The following PHACTR2 variants were observed in gnomAD, a reference collection of about 807,000 sequenced individuals.
PHACTR2 encodes the protein phosphatase and actin regulator 2, also known as chromosome 6 open reading frame 56.
In PHACTR2, 30 loss-of-function variants were observed where a neutral mutation model predicts 76.0. The observed-to-expected ratio is 0.39, with a 90% CI of 0.30 to 0.54. The LOEUF is 0.54. Ranked by LOEUF, PHACTR2 falls within the 20% of genes least tolerant of loss-of-function variation. PHACTR2 has a pLI of 0.61. For synonymous variants in PHACTR2, 292 were observed against 292.5 expected, an observed-to-expected ratio of 1.00 and a Z score of 0.02; for missense variants, 696 against 781.1, an observed-to-expected ratio of 0.89 and a Z score of 1.30.
chr6:143,649,180 TG>T (rs1582734908), intron 1 of PHACTR2, among the ~76,000 whole-genome samples: 1 of 152,194 alleles, frequency 6.6e-6, no homozygotes, highest in Non-Finnish European at 1.5e-5. Context: ...GCCACATTTT[TG>T]TGTGTGTCTG....
chr6:143,759,310 C>CGAA (rs1314379326), intron 4 of PHACTR2, among the ~76,000 whole-genome samples: 7 of 152,070 alleles, frequency 4.6e-5, no homozygotes, highest in Non-Finnish European at 1.0e-4. Flanking sequence ...CAAAATAGAC[C>CGAA]TAAGTATTTC....
rs1335477017 is a variant in PHACTR2, at chr6:143,548,916, A to T, written c.217+11709A>T. Among the ~76,000 whole-genome samples the T allele has an allele frequency of 6.6e-6, 1 of 152,004 alleles. No individual in the cohort carries two copies. Among genetic ancestry groups the T allele is most frequent in the African/African-American group, 2.4e-5 (1 of 41,418 alleles). ...TGGGGGAAACAAGCAAGAATGAGGC[A>T]TGTTCCTAGGGAACAACAAGATAAG... is the stretch of plus-strand genomic sequence containing the variant. On this transcript the variant is annotated intron_variant, in intron 1 of 11. Transcript: ENST00000367584. This position sits in a 1 kb window ranked among gnomAD's most constrained non-coding sequence, Gnocchi z 4.5.
At chr6:143,721,185 CCTTT>C (rs1778434958) in intron 2 of PHACTR2, among the ~76,000 whole-genome samples, 1 of 152,132 alleles carries the variant, frequency 6.6e-6, no homozygotes, top group Non-Finnish European at 1.5e-5. Context: ...ATTGAGACTG[CCTTT>C]CTAAGTTGAA....
At chr6:143,677,341 G>A (rs1251949757), upstream of PHACTR2, among the ~76,000 whole-genome samples, 3 of 152,030 alleles carry the variant, frequency 2.0e-5, no homozygotes, top group African/African-American at 7.3e-5. Context: ...TATTATAGAA[G>A]GGTTTAATTC....
At chr6:143,706,850 T>C (rs12524004) in intron 1 of PHACTR2, among the ~76,000 whole-genome samples, 2,728 of 152,344 alleles carry the variant, frequency 0.018, 42 homozygotes, top group Middle Eastern at 0.085. Flanking sequence ...TACCATCACT[T>C]CACCCTGACC....
At position 143,793,429 on chromosome 6, in the gene PHACTR2, C is replaced by G. The variant is rs1197087792; in HGVS notation, c.1845+4519C>G. Among the ~76,000 whole-genome samples the G allele has an allele frequency of 1.3e-5, 2 of 152,006 alleles. No homozygotes were observed. Among genetic ancestry groups the G allele is most frequent in the Non-Finnish European group, 2.9e-5 (2 of 67,994 alleles). ...GACATCTCCCTTGCAGATCTGAGCCCCAGAGCACAGCCACTGCCCCTCTCT... is the reference window on the plus strand; with the variant it reads ...GACATCTCCCTTGCAGATCTGAGCCGCAGAGCACAGCCACTGCCCCTCTCT... On this transcript the variant is annotated intron_variant, in intron 11 of 12. Coordinates refer to ENST00000440869, the MANE Select transcript of PHACTR2 (RefSeq NM_001100164.2). This position sits in a 1 kb window ranked among gnomAD's most constrained non-coding sequence, Gnocchi z 4.4.
chr6:143,692,477 C>T (rs1050735783), intron 1 of PHACTR2, among the ~76,000 whole-genome samples: 4 of 152,096 alleles, frequency 2.6e-5, no homozygotes, highest in African/African-American at 9.7e-5. Context: ...AATGTTCTGT[C>T]GCTTGGAAAG....
At position 143,765,604 on chromosome 6, in the gene PHACTR2, T is replaced by C; in HGVS notation, c.1038T>C (p.Pro346=). ...PPPPVAPAPS[P]LAPPLPLEDQ... Reference sequence around the variant, plus strand: ...CCCCTGTGGCTCCAGCACCTTCTCCTCTGGCCCCCCCTCTCCCTCTTGAGG... The same window carrying C: ...CCCCTGTGGCTCCAGCACCTTCTCCCCTGGCCCCCCCTCTCCCTCTTGAGG... Residue 346 remains proline, a synonymous_variant, in exon 6 of 13, where the codon CCT becomes CCC. Transcript: ENST00000440869. This position sits in a 1 kb window ranked among gnomAD's most constrained non-coding sequence, Gnocchi z 4.1. 1 of 1,614,100 alleles carries C rather than the reference T, an allele frequency of 6.2e-7. No individual in the cohort carries two copies. Among genetic ancestry groups the C allele is most frequent in the African/African-American group, 1.3e-5 (1 of 75,054 alleles).
intron 1 of PHACTR2, among the ~76,000 whole-genome samples, chr6:143,650,380 G>A (rs377198218): frequency 3.3e-5 from 5 of 151,968 alleles, no homozygotes; most frequent in Admixed American, 6.6e-5. Flanking sequence ...CCAAATAGCC[G>A]AGGCAATCCT....
rs925992443 is a variant in PHACTR2, at chr6:143,794,061, A to C, written c.1845+5151A>C. Among the ~76,000 whole-genome samples the C allele has an allele frequency of 7.3e-6, 1 of 137,266 alleles. No homozygotes were observed. Among genetic ancestry groups the C allele is most frequent in the Non-Finnish European group, 1.6e-5 (1 of 61,996 alleles). The allele number at this position is 137,266 out of a possible 152,430, so 90.1% of individuals were successfully genotyped here. On this transcript the variant is annotated intron_variant, in intron 11 of 12. Coordinates refer to ENST00000440869, the MANE Select transcript of PHACTR2 (RefSeq NM_001100164.2). The surrounding 1 kb of genome is among the most constrained non-coding windows in gnomAD (Gnocchi z 4.1). ...ATATCTGAATATTCAAAAATGCAAAAATAAAAAAAGAACCACTTTAATGCA... is the reference window on the plus strand; with the variant it reads ...ATATCTGAATATTCAAAAATGCAAACATAAAAAAAGAACCACTTTAATGCA...
chr6:143,576,493 G>A (rs761715189), intron 1 of PHACTR2, among the ~76,000 whole-genome samples: 6 of 152,172 alleles, frequency 3.9e-5, no homozygotes, highest in Non-Finnish European at 8.8e-5. Context: ...GGCTTCAAGG[G>A]AAAAGTTTAT....
chr6:143,747,894 A>G (rs911182991), intron 2 of PHACTR2, among the ~76,000 whole-genome samples: 2 of 152,150 alleles, frequency 1.3e-5, no homozygotes, highest in Non-Finnish European at 2.9e-5. Context: ...ATGGACATAT[A>G]GAGCACAGGA....
rs2128437576 is a variant in PHACTR2, at chr6:143,610,675, G to A, written c.13+2353G>A. 6.6e-6 allele frequency among the ~76,000 whole-genome samples: 1 copy of A among 152,278 alleles called. No homozygotes were observed. The highest frequency in any genetic ancestry group is 1.5e-5 in the Non-Finnish European group (1 of 68,030). ...TGCTTGGGACTCCGGCCCTTTTGGT[G>A]GGTGTGTGTACATTTCAGCTATCAT... On this transcript the variant is annotated intron_variant, in intron 1 of 11. Transcript: ENST00000305766. This position sits in a 1 kb window ranked among gnomAD's most constrained non-coding sequence, Gnocchi z 4.9.
At chr6:143,723,978 T>C (rs1778501510) in intron 2 of PHACTR2, among the ~76,000 whole-genome samples, 1 of 152,136 alleles carries the variant, frequency 6.6e-6, no homozygotes, top group Non-Finnish European at 1.5e-5. Context: ...TTCTTTTTTT[T>C]TTGAGACAGA....
Position 143,793,265 on chromosome 6 carries a change from A to AT in PHACTR2, c.1845+4366dup, listed in dbSNP as rs916606454. 2.6e-4 allele frequency among the ~76,000 whole-genome samples: 39 copies of AT among 148,664 alleles called. No homozygotes were observed. The highest frequency in any genetic ancestry group is 3.4e-4 in the Non-Finnish European group (23 of 66,886). On this transcript the variant is annotated intron_variant, in intron 11 of 12. Transcript: ENST00000440869. This position sits in a 1 kb window ranked among gnomAD's most constrained non-coding sequence, Gnocchi z 4.4. ...TTCATCTCTAGCTGTAACAGAGAGG[A>AT]TTTTTTTTTTTAATTTTATGTTGAA...
chr6:143,588,534 G>A (rs960593720), intron 1 of PHACTR2, among the ~76,000 whole-genome samples: 2 of 152,164 alleles, frequency 1.3e-5, no homozygotes, highest in Non-Finnish European at 2.9e-5. Flanking sequence ...TTGAAAACCA[G>A]ATGTCCCAAA....
chr6:143,657,981 G>A (rs949341171), intron 1 of PHACTR2, among the ~76,000 whole-genome samples: 6 of 152,118 alleles, frequency 3.9e-5, no homozygotes, highest in Admixed American at 6.5e-5. Flanking sequence ...ACATCACAGT[G>A]TTTTATTGCT....
chr6:143,699,586 C>T (rs1370457781), intron 1 of PHACTR2, among the ~76,000 whole-genome samples: 8 of 152,126 alleles, frequency 5.3e-5, no homozygotes, highest in African/African-American at 1.4e-4. Flanking sequence ...TCTGACTGTC[C>T]GTTGGACATC....
Position 143,580,642 on chromosome 6 carries a change from C to T in PHACTR2, c.217+43435C>T, listed in dbSNP as rs1225187271. On this transcript the variant is annotated intron_variant, in intron 1 of 11. Coordinates refer to the PHACTR2 transcript ENST00000367584. This position sits in a 1 kb window ranked among gnomAD's most constrained non-coding sequence, Gnocchi z 4.2. Reference sequence around the variant, plus strand: ...GAACTGAGATCATGCCACTGTACTCCAGCCTGGGTGACAGAGCAAGACTCC... The same window carrying T: ...GAACTGAGATCATGCCACTGTACTCTAGCCTGGGTGACAGAGCAAGACTCC... Among the ~76,000 whole-genome samples the T allele has an allele frequency of 6.6e-6, 1 of 152,186 alleles. No homozygotes were observed. The highest frequency in any genetic ancestry group is 1.5e-5 in the Non-Finnish European group (1 of 68,040).
Sources: gnomAD v4.1 joint callset for allele counts (sites outside exome capture counted in the v4.1 genomes callset) on GRCh38, gnomAD v4.1.1 for gene constraint, Gnocchi (gnomAD v3.1) non-coding constraint, MANE v1.5 for transcripts, NCBI Gene and HGNC (gene_info 2026-07-23, HGNC 2026-07-21) for gene names.